Variants in GRIK4 observed in about 807,000 individuals in gnomAD.
GRIK4 encodes glutamate receptor ionotropic, kainate 4.
A neutral mutation model predicts 104.9 loss-of-function variants in GRIK4; 40 were observed. That is an observed-to-expected ratio of 0.38 (90% CI 0.30 to 0.50). The LOEUF (loss-of-function observed/expected upper bound fraction) is 0.50, where lower values mean the gene tolerates loss of function less well. GRIK4 is among the 20% of genes least tolerant of loss of function. GRIK4 has a pLI of 0.93. For synonymous variants in GRIK4, 485 were observed against 524.9 expected, an observed-to-expected ratio of 0.92 and a Z score of 1.04; for missense variants, 1,047 against 1,308.1, an observed-to-expected ratio of 0.80 and a Z score of 3.08.
At chr11:120,859,463 C>T (rs899151219) in intron 8 of GRIK4, 1 of 152,196 alleles carries the variant, frequency 6.6e-6, no homozygotes, top group African/African-American at 2.4e-5. Context: ...CTGTGGACAT[C>T]CAGAGCCTCA....
At chr11:120,603,569 A>G (rs1258715921) in intron 1 of GRIK4, among the ~76,000 whole-genome samples, 1 of 152,122 alleles carries the variant, frequency 6.6e-6, no homozygotes, top group African/African-American at 2.4e-5. Context: ...CTTTATTTAA[A>G]TCAGTCTCAT....
chr11:120,826,377 G>A (rs1026790405), intron 6 of GRIK4, among the ~76,000 whole-genome samples: 1 of 152,080 alleles, frequency 6.6e-6, no homozygotes, highest in Non-Finnish European at 1.5e-5. Context: ...CCTGTCCCGG[G>A]ACCTCTGACC....
intron 9 of GRIK4, chr11:120,871,363 C>T (rs1435745000): frequency 9.1e-6 from 3 of 328,000 alleles, no homozygotes; most frequent in Admixed American, 4.0e-5. Context: ...TGTAGGCTTG[C>T]AAAGGAGCAT....
rs562259695 is a variant in GRIK4, at chr11:120,799,103, C to T, written c.83-3590C>T. On this transcript the variant is annotated intron_variant, in intron 3 of 20. Transcript: ENST00000527524. ...CAGCGTGACTCTGAAACATGAACAA[C>T]TACATCAAAACATTCCCAGTCCCCA... Among the ~76,000 whole-genome samples, 237 of 152,302 alleles carry T rather than the reference C, an allele frequency of 1.6e-3. 6 individuals carry two copies. The highest frequency in any genetic ancestry group is 1.0e-3 in the Non-Finnish European group (71 of 68,020).
chr11:120,876,842 T>G (rs1303816934), intron 11 of GRIK4, among the ~76,000 whole-genome samples: 5 of 152,220 alleles, frequency 3.3e-5, no homozygotes, highest in African/African-American at 1.2e-4. Context: ...GGTAGGCCTA[T>G]GACAGGCCCC....
intron 3 of GRIK4, among the ~76,000 whole-genome samples, chr11:120,685,385 C>G (rs1453311689): frequency 6.6e-6 from 1 of 152,234 alleles, no homozygotes; most frequent in Non-Finnish European, 1.5e-5. Flanking sequence ...AAACATGGGT[C>G]TAACCCTTGT....
Position 120,967,856 on chromosome 11 carries a change from C to T in GRIK4, c.2395+533C>T, listed in dbSNP as rs899583963. Among the ~76,000 whole-genome samples, 3 of 152,208 alleles carry T rather than the reference C, an allele frequency of 2.0e-5. No individual in the cohort carries two copies. Among genetic ancestry groups the T allele is most frequent in the Non-Finnish European group, 4.4e-5 (3 of 68,020 alleles). On this transcript the variant is annotated intron_variant, in intron 19 of 20. Coordinates refer to ENST00000527524, the MANE Select transcript of GRIK4 (RefSeq NM_014619.5). This position sits in a 1 kb window ranked among gnomAD's most constrained non-coding sequence, Gnocchi z 4.2. ...TGTGGTCCCCAAGCCTCCCATGTGG[C>T]TCTTCCACCCCAGGGCCTGTGCACC...
intron 3 of GRIK4, among the ~76,000 whole-genome samples, chr11:120,719,029 G>T (rs1204230796): frequency 6.6e-6 from 1 of 152,148 alleles, no homozygotes; most frequent in Non-Finnish European, 1.5e-5. Flanking sequence ...AGGTTTTGCG[G>T]GTTTTTTTTA....
chr11:120,938,186 G>A (rs1299971521), intron 13 of GRIK4, among the ~76,000 whole-genome samples: 1 of 152,128 alleles, frequency 6.6e-6, no homozygotes, highest in African/African-American at 2.4e-5. Flanking sequence ...ATTCAAATCA[G>A]TGCCTCTGTT....
intron 1 of GRIK4, among the ~76,000 whole-genome samples, chr11:120,637,555 G>A (rs144201574): frequency 6.6e-6 from 1 of 152,352 alleles, no homozygotes; most frequent in Non-Finnish European, 1.5e-5. Flanking sequence ...CCCTAGTAAA[G>A]TGGAGGCTGC....
In GRIK4 at chr11:120,530,044, G is replaced by C. The variant is rs138958858; in HGVS notation, c.-159+18157G>C. On this transcript the variant is annotated intron_variant, in intron 1 of 20. Transcript: ENST00000527524. ...CTGCTTAGGAGTAAGGGTGCCCCAA[G>C]TGTGAGTCCTATGAGGCCCCATGTT... Among the ~76,000 whole-genome samples, 116 of 152,286 alleles carry C rather than the reference G, an allele frequency of 7.6e-4. 1 individual carries two copies. Among genetic ancestry groups the C allele is most frequent in the Middle Eastern group, 6.8e-3 (2 of 294 alleles).
intron 11 of GRIK4, among the ~76,000 whole-genome samples, chr11:120,885,387 T>C (rs568361169): frequency 2.4e-5 from 2 of 84,626 alleles, no homozygotes; most frequent in East Asian, 1.5e-3. Flanking sequence ...TAAATTCTTC[T>C]TTTTTTTTTT....
intron 3 of GRIK4, among the ~76,000 whole-genome samples, chr11:120,673,948 T>C (rs1950060259): frequency 6.6e-6 from 1 of 152,236 alleles, no homozygotes; most frequent in Non-Finnish European, 1.5e-5. Flanking sequence ...TTGGTTTTTC[T>C]ATTGAGCCTG....
chr11:120,821,136 C>G (rs1036526614), intron 6 of GRIK4, among the ~76,000 whole-genome samples: 3 of 152,210 alleles, frequency 2.0e-5, no homozygotes, highest in Non-Finnish European at 2.9e-5. Context: ...TCTTCCAGAG[C>G]CCTGCAGTGG....
At chr11:120,607,923 G>T (rs376336076) in intron 1 of GRIK4, among the ~76,000 whole-genome samples, 1 of 152,148 alleles carries the variant, frequency 6.6e-6, no homozygotes, top group African/African-American at 2.4e-5. Flanking sequence ...TGGATTCCAG[G>T]GGGTGGTTGC....
At chr11:120,620,925 T>TGAGGCTCGGAGAGCA (rs1396079511) in intron 1 of GRIK4, among the ~76,000 whole-genome samples, 1 of 152,196 alleles carries the variant, frequency 6.6e-6, no homozygotes, top group African/African-American at 2.4e-5. Flanking sequence ...CTCTTACTGT[T>TGAGGCTCGGAGAGCA]GAGGCTCGGA....
chr11:120,883,605 C>G (rs1224682356), intron 11 of GRIK4, among the ~76,000 whole-genome samples: 1 of 152,216 alleles, frequency 6.6e-6, no homozygotes, highest in Non-Finnish European at 1.5e-5. Flanking sequence ...CCATGTAAGT[C>G]TGGTTCTTTC....
rs1950390488 is a variant in GRIK4, at chr11:120,692,963, C to G, written c.82+32563C>G. On this transcript the variant is annotated intron_variant, in intron 3 of 20. Coordinates refer to ENST00000527524, the MANE Select transcript of GRIK4 (RefSeq NM_014619.5). ...GCCAGGCTGGTCTTGAACTCTGGAT[C>G]TCAGGTCATCCACCCACCTTGGCCT... Among the ~76,000 whole-genome samples the G allele has an allele frequency of 2.6e-5, 4 of 151,794 alleles. No individual in the cohort carries two copies. In the South Asian group the frequency reaches 8.3e-4, roughly 32 times the overall value.
intron 19 of GRIK4, among the ~76,000 whole-genome samples, chr11:120,970,169 G>A (rs1317004906): frequency 1.3e-5 from 2 of 152,208 alleles, no homozygotes; most frequent in Non-Finnish European, 2.9e-5. Context: ...TGTGCTTGGA[G>A]TTATTTCCCA....
Sources: gnomAD v4.1 joint callset for allele counts (sites outside exome capture counted in the v4.1 genomes callset) on GRCh38, gnomAD v4.1.1 for gene constraint, Gnocchi (gnomAD v3.1) non-coding constraint, MANE v1.5 for transcripts, NCBI Gene and HGNC (gene_info 2026-07-23, HGNC 2026-07-21) for gene names.